The following CLEC6A variants were observed in gnomAD, a reference collection of about 807,000 sequenced individuals.
CLEC6A encodes C-type lectin domain family 6 member A.
A neutral mutation model predicts 25.7 loss-of-function variants in CLEC6A; 22 were observed. That is an observed-to-expected ratio of 0.85 (90% CI 0.61 to 1.22). CLEC6A has a LOEUF of 1.22. Among genes scored for constraint, CLEC6A ranks in the 50% most tolerant of loss-of-function variants. The pLI is 0.00. For synonymous variants in CLEC6A, 92 were observed against 76.7 expected (o/e 1.20, Z -1.04); for missense variants, 240 against 236.8 (o/e 1.01, Z -0.09).
chr12:8,477,714 T>C lies in CLEC6A; in HGVS notation c.*250T>C. 3.4e-6 allele frequency: 1 copy of C among 297,030 alleles called. No homozygotes were observed. Among genetic ancestry groups the C allele is most frequent in the Non-Finnish European group, 6.2e-6 (1 of 161,512 alleles). The allele number at this position is 297,030 out of a possible 1,614,324, so 18.4% of individuals were successfully genotyped here. ...CATTCTTTCACTTGTTATTCATTTTTTTCTTTCTTCACACTTCATTACACA... is the reference window on the plus strand; with the variant it reads ...CATTCTTTCACTTGTTATTCATTTTCTTCTTTCTTCACACTTCATTACACA... On this transcript the variant is annotated 3_prime_UTR_variant, in exon 6 of 6. Transcript: ENST00000382073.
intron 4 of CLEC6A, among the ~76,000 whole-genome samples, chr12:8,469,046 T>C (rs1939872190): frequency 6.6e-6 from 1 of 152,136 alleles, no homozygotes; most frequent in African/African-American, 2.4e-5. Flanking sequence ...CCCTAAAGAC[T>C]CATCCAAAAA....
intron 1 of CLEC6A, among the ~76,000 whole-genome samples, chr12:8,457,125 T>C (rs1215396695): frequency 4.6e-5 from 7 of 151,850 alleles, no homozygotes; most frequent in Admixed American, 3.9e-4. Flanking sequence ...AAAAAAAAAG[T>C]TAACTACAGT....
At position 8,457,992 on chromosome 12, in the gene CLEC6A, G is replaced by A. The variant is rs748785571; in HGVS notation, c.121+5G>A. On this transcript the variant is annotated splice_donor_5th_base_variant and intron_variant, in intron 2 of 5. Coordinates refer to ENST00000382073, the MANE Select transcript of CLEC6A (RefSeq NM_001007033.2). ...GCTTCATTGTGAGCTGTGTAGGTAA[G>A]TTCTTCACTGAGGTGCATTTTCCTT... 5.0e-6 allele frequency: 8 copies of A among 1,599,730 alleles called. No individual in the cohort carries two copies. Among genetic ancestry groups the A allele is most frequent in the Non-Finnish European group, 6.0e-6 (7 of 1,167,140 alleles).
intron 3 of CLEC6A, among the ~76,000 whole-genome samples, chr12:8,465,190 G>A (rs1166947244): frequency 6.6e-6 from 1 of 151,698 alleles, no homozygotes; most frequent in Admixed American, 6.6e-5. Context: ...AATTCTAAGA[G>A]GACTTGGTGC....
In CLEC6A at chr12:8,458,047, G is replaced by A. The variant is rs763624755; in HGVS notation, c.121+60G>A. On this transcript the variant is annotated intron_variant, in intron 2 of 5. Coordinates refer to ENST00000382073, the MANE Select transcript of CLEC6A (RefSeq NM_001007033.2). Reference sequence around the variant, plus strand: ...CCTTTCCCTTGAATATTCCATACAGGTTTCCTAGGATATATTCTCCTTTGC... The same window carrying A: ...CCTTTCCCTTGAATATTCCATACAGATTTCCTAGGATATATTCTCCTTTGC... 21 of 1,210,250 alleles carry A rather than the reference G, an allele frequency of 1.7e-5. No homozygotes were observed. The Admixed American group carries it at 2.1e-4, about 12-fold the overall frequency. 75.0% of individuals were successfully genotyped at this position (1,210,250 alleles called of 1,614,324 possible).
At chr12:8,464,327 CTTTTTCTT>C (rs1233750948) in intron 3 of CLEC6A, among the ~76,000 whole-genome samples, 4 of 54,652 alleles carry the variant, frequency 7.3e-5, no homozygotes, top group African/African-American at 2.1e-4. Context: ...AAATTTCTTT[CTTTTTCTT>C]TTTTTTTTTT....
chr12:8,461,290 A>G, intron 3 of CLEC6A: 1 of 557,384 alleles, frequency 1.8e-6, no homozygotes, highest in Non-Finnish European at 3.2e-6. Flanking sequence ...GTCAAAAAAA[A>G]ACAAGAAAAG....
At chr12:8,469,044 A>G (rs1056492336) in intron 4 of CLEC6A, among the ~76,000 whole-genome samples, 2 of 152,124 alleles carry the variant, frequency 1.3e-5, no homozygotes, top group Admixed American at 1.3e-4. Context: ...AACCCTAAAG[A>G]CTCATCCAAA....
intron 1 of CLEC6A, 22 bp downstream of exon 1, chr12:8,456,164 G>A (rs759985358): frequency 6.2e-7 from 1 of 1,612,380 alleles, no homozygotes; most frequent in Non-Finnish European, 8.5e-7. Context: ...CTCAGTTTCA[G>A]AGGAAAGTGG....
chr12:8,469,548 G>A (rs899573374), intron 4 of CLEC6A, among the ~76,000 whole-genome samples: 44 of 152,004 alleles, frequency 2.9e-4, no homozygotes, highest in Admixed American at 9.2e-4. Flanking sequence ...CTATAAGGCC[G>A]TATTCACCAA....
In CLEC6A at chr12:8,477,632, A is replaced by T. The variant is rs1048991854; in HGVS notation, c.*168A>T. On this transcript the variant is annotated 3_prime_UTR_variant, in exon 6 of 6. Coordinates refer to ENST00000382073, the MANE Select transcript of CLEC6A (RefSeq NM_001007033.2). ...AAAGATACCTGTTTCCCTTTAATCA[A>T]TCTTCTCGTTTCCTCTTTTCCATTA... 2.1e-6 allele frequency: 1 copy of T among 479,416 alleles called. No homozygotes were observed. The highest frequency in any genetic ancestry group is 3.5e-5 in the East Asian group (1 of 28,360). The allele number at this position is 479,416 out of a possible 1,614,324, so 29.7% of individuals were successfully genotyped here. A position where few individuals can be genotyped will look rare whatever the true frequency, so the allele number is the denominator to read the frequency against.
At position 8,476,243 on chromosome 12, in the gene CLEC6A, G is replaced by A. The variant is rs2136368081; in HGVS notation, c.485+3G>A. ...ACACCTTATGAGAAAAATGTCAGGT[G>A]AGTGCAGTTCTGGGGCCTTGTTTAC... On this transcript the variant is annotated splice_donor_region_variant and intron_variant, in intron 5 of 5. Transcript: ENST00000382073. The A allele has an allele frequency of 6.5e-7, 1 of 1,543,284 alleles. No homozygotes were observed. Among genetic ancestry groups the A allele is most frequent in the Non-Finnish European group, 8.9e-7 (1 of 1,124,012 alleles).
chr12:8,476,111 T>C lies in CLEC6A; in HGVS notation c.370-14T>C, dbSNP rs746152441. 6.7e-5 allele frequency: 105 copies of C among 1,563,452 alleles called. No individual in the cohort carries two copies. Among genetic ancestry groups the C allele is most frequent in the Non-Finnish European group, 8.9e-5 (101 of 1,139,646 alleles). On this transcript the variant is annotated splice_polypyrimidine_tract_variant and intron_variant, in intron 4 of 5. Transcript: ENST00000382073. Reference sequence around the variant, plus strand: ...ATACCAAAGTCTTTGACTCCTTTTTTTTCCTTCATGCAGAATTTCATTGTC... The same window carrying C: ...ATACCAAAGTCTTTGACTCCTTTTTCTTCCTTCATGCAGAATTTCATTGTC...
intron 4 of CLEC6A, among the ~76,000 whole-genome samples, chr12:8,465,846 A>G (rs974417122): frequency 4.6e-5 from 7 of 151,968 alleles, no homozygotes; most frequent in African/African-American, 7.3e-5. Context: ...CCTGGCAATC[A>G]CTCCTCTGCT....
At chr12:8,458,040 C>T in intron 2 of CLEC6A, 53 bp downstream of exon 2, 1 of 1,274,936 alleles carries the variant, frequency 7.8e-7, no homozygotes, top group Non-Finnish European at 1.1e-6. Context: ...TTGAATATTC[C>T]ATACAGGTTT....
chr12:8,472,327 G>A (rs765071096), intron 4 of CLEC6A, among the ~76,000 whole-genome samples: 13 of 152,188 alleles, frequency 8.5e-5, no homozygotes, highest in Admixed American at 5.2e-4. Context: ...GCTTGCTTTC[G>A]TTCTCAGCCA....
chr12:8,474,743 G>A (rs1267661788), intron 4 of CLEC6A, among the ~76,000 whole-genome samples: 1 of 151,994 alleles, frequency 6.6e-6, no homozygotes, highest in Non-Finnish European at 1.5e-5. Context: ...AAAACAATCT[G>A]GACATAGCTA....
rs757639640 is a variant in CLEC6A, at chr12:8,465,579, T to C, written c.319T>C (p.Cys107Arg). 2 of 1,614,126 alleles carry C rather than the reference T, an allele frequency of 1.2e-6. No individual in the cohort carries two copies. Among genetic ancestry groups the C allele is most frequent in the East Asian group, 4.5e-5 (2 of 44,876 alleles). ...GGTTTGGTCTAAGAGTGAGCAGAAC[T>C]GTGTTGAGATGGGAGCACATTTGGT... Reference protein sequence around the residue: ...EKVWSKSEQNCVEMGAHLVVF... With the variant: ...EKVWSKSEQNRVEMGAHLVVF... The change falls in exon 4 of 6, where the codon TGT becomes CGT. Residue 107 changes from cysteine to arginine, a missense_variant. Transcript: ENST00000382073.
intron 3 of CLEC6A, chr12:8,461,292 CAAGAA>C (rs749475197): frequency 4.4e-4 from 241 of 547,322 alleles, no homozygotes; most frequent in South Asian, 3.1e-3. Context: ...CAAAAAAAAA[CAAGAA>C]AAGAAAAGAA....
Sources: allele counts gnomAD v4.1 joint callset (sites outside exome capture counted in the v4.1 genomes callset), GRCh38; gene constraint gnomAD v4.1.1; transcripts MANE v1.5; gene names NCBI Gene and HGNC (gene_info 2026-07-23, HGNC 2026-07-21).